Variants in SPATA3 observed in about 807,000 individuals in gnomAD.
SPATA3 encodes the protein spermatogenesis associated 3, also known as spermatogenesis-associated protein 3.
A neutral mutation model predicts 5.7 loss-of-function variants in SPATA3; 6 were observed. The observed-to-expected ratio is 1.06, with a 90% CI of 0.58 to 2.09. SPATA3 has a LOEUF of 2.09. Ranked by LOEUF, SPATA3 falls within the 30% of genes most tolerant of loss-of-function variation. The pLI is 0.00. For missense variants in SPATA3, 155 were observed against 130.4 expected (o/e 1.19, Z -0.92); for synonymous variants, 44 against 48.4 (o/e 0.91, Z 0.37).
chr2:231,006,423 C>A (rs1277236733), downstream of SPATA3, among the ~76,000 whole-genome samples: 2 of 150,574 alleles, frequency 1.3e-5, no homozygotes, highest in Non-Finnish European at 1.5e-5. Context: ...GAATGGTGTG[C>A]ACCCAAGAGG....
At chr2:231,000,602 A>G in intron 2 of SPATA3, 65 bp downstream of exon 2, 5 of 1,338,306 alleles carry the variant, frequency 3.7e-6, no homozygotes, top group Non-Finnish European at 4.9e-6. Flanking sequence ...CTGCCCCCAG[A>G]CCTTATTAGC....
intron 1 of SPATA3, chr2:230,999,842 G>T (rs1369278971): frequency 5.9e-6 from 1 of 168,862 alleles, no homozygotes; most frequent in African/African-American, 2.4e-5. Context: ...CATTTTCACT[G>T]AATTAAACGT....
rs1055372170 is a variant in SPATA3 at position 231,000,234 on chromosome 2, A to C, written c.791-132A>C. ...AATCCTCAATGATGCCTTGGAAAAAATCCAGCGTTCGCCCTGGTAATCCTG... is the reference window on the plus strand; with the variant it reads ...AATCCTCAATGATGCCTTGGAAAAACTCCAGCGTTCGCCCTGGTAATCCTG... On this transcript the variant is annotated intron_variant, in intron 1 of 2. Coordinates refer to ENST00000645363, the Ensembl canonical transcript of SPATA3. The C allele has an allele frequency of 8.5e-6, 7 of 821,952 alleles. No homozygotes were observed. The African/African-American group carries it at 1.2e-4, about 14-fold the overall frequency. 50.9% of individuals were successfully genotyped at this position (821,952 alleles called of 1,614,324 possible).
downstream of SPATA3, among the ~76,000 whole-genome samples, chr2:231,009,635 A>T (rs1238861096): frequency 6.6e-6 from 1 of 152,120 alleles, no homozygotes; most frequent in Non-Finnish European, 1.5e-5. Flanking sequence ...GGCCATAGGG[A>T]TCCCTCTTGA....
downstream of SPATA3, among the ~76,000 whole-genome samples, chr2:231,007,765 G>A (rs569821334): frequency 3.3e-5 from 5 of 152,336 alleles, no homozygotes; most frequent in African/African-American, 9.6e-5. Flanking sequence ...TGCCTGGTGC[G>A]ATTCTACCTC....
intron 6 of SPATA3, among the ~76,000 whole-genome samples, chr2:231,015,923 G>A (rs1409285875): frequency 1.3e-5 from 2 of 152,244 alleles, no homozygotes; most frequent in African/African-American, 4.8e-5. Flanking sequence ...CCCTGGGCAG[G>A]AGACTCCTTA....
At chr2:231,011,957 C>G (rs935622466), downstream of SPATA3, among the ~76,000 whole-genome samples, 1 of 152,192 alleles carries the variant, frequency 6.6e-6, no homozygotes, top group African/African-American at 2.4e-5. Context: ...CACAGGGGGT[C>G]GAAGCAGAGA....
At chr2:231,018,656 A>G (rs1692991851) in intron 6 of SPATA3, among the ~76,000 whole-genome samples, 1 of 152,116 alleles carries the variant, frequency 6.6e-6, no homozygotes, top group Non-Finnish European at 1.5e-5. Context: ...TGAGAAGGCC[A>G]TCAACACATG....
Position 231,016,811 on chromosome 2 carries a change from TCTCTC to T in SPATA3, c.*565+2605_*565+2609del, listed in dbSNP as rs1459109411. On this transcript the variant is annotated intron_variant, in intron 6 of 8. Transcript: ENST00000452881. ...CCCTGGAGGAGCGGGTGCCCTCTCC[TCTCTC>T]CTCTCAGGCATCAGATAGGATTCAA... Among the ~76,000 whole-genome samples the T allele has an allele frequency of 5.9e-5, 9 of 152,266 alleles. No homozygotes were observed. The East Asian group carries it at 1.5e-3, about 26-fold the overall frequency.
At chr2:231,013,683 C>T (rs1692853624) in intron 5 of SPATA3, among the ~76,000 whole-genome samples, 1 of 151,994 alleles carries the variant, frequency 6.6e-6, no homozygotes, top group African/African-American at 2.4e-5. Flanking sequence ...AGAGACGGGG[C>T]TTCACCGTGT....
exon 6 of SPATA3, chr2:231,014,174 C>A (rs967049724): frequency 6.6e-6 from 1 of 152,184 alleles, no homozygotes; most frequent in African/African-American, 2.4e-5. Flanking sequence ...ATTTAAAGAA[C>A]AAAGCATCCT....
At chr2:231,005,271 TCACCATCAC>T, downstream of SPATA3, among the ~76,000 whole-genome samples, 1 of 46,980 alleles carries the variant, frequency 2.1e-5, no homozygotes, top group East Asian at 8.0e-4. Flanking sequence ...ATTACCATCA[TCACCATCAC>T]CATCATCATC....
downstream of SPATA3, among the ~76,000 whole-genome samples, chr2:231,005,163 C>CCAT (rs1559197417): frequency 2.0e-5 from 1 of 50,338 alleles, no homozygotes; most frequent in Non-Finnish European, 5.0e-5. Context: ...ATCACCATCA[C>CCAT]CATCATCACC....
At chr2:230,996,470 C>T (rs1232041708) in intron 1 of SPATA3, 1 of 1,552,336 alleles carries the variant, frequency 6.4e-7, no homozygotes, top group Non-Finnish European at 8.7e-7. Context: ...AAATCCGCCG[C>T]TCCTCTTGCT....
At chr2:231,005,527 C>CATT (rs1692582698), downstream of SPATA3, among the ~76,000 whole-genome samples, 1 of 54,568 alleles carries the variant, frequency 1.8e-5, no homozygotes, top group South Asian at 7.8e-4. Context: ...TCACCACCAC[C>CATT]ACCATCATCA....
At chr2:231,015,644 G>C (rs1450367418) in intron 6 of SPATA3, among the ~76,000 whole-genome samples, 2 of 152,240 alleles carry the variant, frequency 1.3e-5, no homozygotes, top group Non-Finnish European at 2.9e-5. Context: ...CAGAGGAGAA[G>C]TGACTCAACA....
chr2:230,997,881 C>T (rs978448854), intron 1 of SPATA3, among the ~76,000 whole-genome samples: 8 of 152,202 alleles, frequency 5.3e-5, no homozygotes, highest in South Asian at 2.1e-4. Flanking sequence ...AATTTTCACA[C>T]GTGATAATCC....
downstream of SPATA3, among the ~76,000 whole-genome samples, chr2:231,006,266 C>T (rs574823004): frequency 4.6e-5 from 7 of 150,952 alleles, no homozygotes; most frequent in East Asian, 1.4e-3. Flanking sequence ...GTTTGGAAGG[C>T]CGAGGCAGGC....
intron 1 of SPATA3, 63 bp from the exon 2 acceptor site, chr2:231,000,303 A>G (rs13406394): frequency 0.41 from 566,012 of 1,365,398 alleles, 118,488 homozygotes; most frequent in South Asian, 0.5. Flanking sequence ...TGTGTTCCAG[A>G]CTCCCCCGCC....
Sources: gnomAD v4.1 joint callset for allele counts (sites outside exome capture counted in the v4.1 genomes callset) on GRCh38, gnomAD v4.1.1 for gene constraint, MANE v1.5 for transcripts, NCBI Gene and HGNC (gene_info 2026-07-23, HGNC 2026-07-21) for gene names.